The following SLC22A3 variants were observed in gnomAD, a reference collection of about 807,000 sequenced individuals.
The protein encoded by SLC22A3 is EMT organic cation transporter 3.
Under a neutral mutation model 59.1 loss-of-function variants are expected in SLC22A3, and 51 were observed. The ratio of observed to expected loss-of-function variants is 0.86; its 90% CI spans 0.69 to 1.09. The LOEUF (loss-of-function observed/expected upper bound fraction) is 1.09, where lower values mean the gene tolerates loss of function less well. Among genes scored for constraint, SLC22A3 ranks in the 50% least tolerant of loss-of-function variants. The pLI is 0.00. For missense variants in SLC22A3, 711 were observed against 726.3 expected (o/e 0.98, Z 0.24); for synonymous variants, 325 against 292.0 (o/e 1.11, Z -1.15).
chr6:160,446,346 G>A (rs1028304438), intron 9 of SLC22A3, among the ~76,000 whole-genome samples: 3 of 152,154 alleles, frequency 2.0e-5, no homozygotes, highest in Admixed American at 6.5e-5. Flanking sequence ...ATATTAGTTC[G>A]TTTGCCACTG....
At position 160,348,854 on chromosome 6, in the gene SLC22A3, G is replaced by A. The variant is rs1283293704; in HGVS notation, c.429+6G>A. ...ACTCCACCATCGTCAGCGAGGTAAG[G>A]GCGCCCCGGCCCTTTGGAAGCCGGC... On this transcript the variant is annotated splice_donor_region_variant and intron_variant, in intron 1 of 10. Coordinates refer to ENST00000275300, the MANE Select transcript of SLC22A3 (RefSeq NM_021977.4). 1.3e-6 allele frequency: 2 copies of A among 1,577,120 alleles called. No individual in the cohort carries two copies. The highest frequency in any genetic ancestry group is 2.3e-5 in the South Asian group (2 of 87,440).
intron 5 of SLC22A3, among the ~76,000 whole-genome samples, chr6:160,433,369 A>C (rs1309819107): frequency 6.6e-6 from 1 of 152,212 alleles, no homozygotes; most frequent in Non-Finnish European, 1.5e-5. Flanking sequence ...GAACAACTGA[A>C]AAATCTACAA....
chr6:160,412,783 T>A (rs1017985014), intron 5 of SLC22A3, among the ~76,000 whole-genome samples: 1 of 152,176 alleles, frequency 6.6e-6, no homozygotes, highest in Non-Finnish European at 1.5e-5. Context: ...CAGTGAATAA[T>A]CTCTGCTCTT....
At chr6:160,383,750 T>A (rs1458841348) in intron 1 of SLC22A3, among the ~76,000 whole-genome samples, 1 of 152,052 alleles carries the variant, frequency 6.6e-6, no homozygotes, top group Non-Finnish European at 1.5e-5. Flanking sequence ...GGGGTCTGCA[T>A]CCACAGATTT....
At chr6:160,404,496 TTGTCAAGA>T (rs1786923468) in intron 2 of SLC22A3, among the ~76,000 whole-genome samples, 1 of 152,108 alleles carries the variant, frequency 6.6e-6, no homozygotes, top group African/African-American at 2.4e-5. Context: ...AGACTCAATA[TTGTCAAGA>T]TGTCAGTTCT....
At chr6:160,386,779 T>A (rs1786036629) in intron 1 of SLC22A3, among the ~76,000 whole-genome samples, 1 of 152,198 alleles carries the variant, frequency 6.6e-6, no homozygotes, top group South Asian at 2.1e-4. Context: ...CCCCAAGGCA[T>A]GGTGTCATTA....
intron 1 of SLC22A3, among the ~76,000 whole-genome samples, chr6:160,360,009 C>T (rs1485397845): frequency 6.6e-6 from 1 of 152,136 alleles, no homozygotes; most frequent in Non-Finnish European, 1.5e-5. Context: ...ATATACTTTT[C>T]AAATATTTAT....
intron 5 of SLC22A3, among the ~76,000 whole-genome samples, chr6:160,418,487 G>T (rs1249127149): frequency 1.3e-5 from 2 of 152,178 alleles, no homozygotes; most frequent in African/African-American, 4.8e-5. Context: ...TTGTGGCCGT[G>T]TGAGCCAATT....
chr6:160,385,080 T>C (rs1242143499), intron 1 of SLC22A3, among the ~76,000 whole-genome samples: 7 of 152,240 alleles, frequency 4.6e-5, no homozygotes, highest in African/African-American at 1.7e-4. Context: ...GATTCCTTTT[T>C]GCAGGATGCT....
chr6:160,351,061 C>T (rs570533977), intron 1 of SLC22A3, among the ~76,000 whole-genome samples: 1 of 152,148 alleles, frequency 6.6e-6, no homozygotes, highest in Non-Finnish European at 1.5e-5. Context: ...GAATGTACCC[C>T]GTAAAGCCCC....
intron 1 of SLC22A3, among the ~76,000 whole-genome samples, chr6:160,391,324 A>AT (rs1034141203): frequency 6.6e-6 from 1 of 152,124 alleles, no homozygotes; most frequent in African/African-American, 2.4e-5. Context: ...GGGCTCAGGC[A>AT]TTTTTTCATT....
chr6:160,368,640 C>T (rs1466495156), intron 1 of SLC22A3, among the ~76,000 whole-genome samples: 1 of 152,130 alleles, frequency 6.6e-6, no homozygotes, highest in Non-Finnish European at 1.5e-5. Context: ...TGGTCTCCAT[C>T]ATCCCCGCCA....
chr6:160,371,631 C>T (rs1171703999), intron 1 of SLC22A3, among the ~76,000 whole-genome samples: 1 of 152,174 alleles, frequency 6.6e-6, no homozygotes, highest in Non-Finnish European at 1.5e-5. Flanking sequence ...GTGAATAGTG[C>T]CACAATAAAC....
chr6:160,396,505 A>T (rs1406891157), intron 1 of SLC22A3, among the ~76,000 whole-genome samples: 1 of 152,312 alleles, frequency 6.6e-6, no homozygotes. Flanking sequence ...TTTCTGTAGC[A>T]AAACTCCCTT....
intron 1 of SLC22A3, among the ~76,000 whole-genome samples, chr6:160,385,829 G>A (rs377158075): frequency 2.0e-5 from 3 of 152,198 alleles, no homozygotes; most frequent in African/African-American, 7.2e-5. Flanking sequence ...TATTGAGTCT[G>A]TGGGCATGAC....
chr6:160,410,596 C>G, intron 4 of SLC22A3, 133 bp from the exon 5 acceptor site: 4 of 697,538 alleles, frequency 5.7e-6, no homozygotes, highest in Non-Finnish European at 1.1e-5. Context: ...TTTCAGGGAC[C>G]TATTATCAAC....
chr6:160,422,414 A>ATTTTTTTTTATCCATC (rs1787775430), intron 5 of SLC22A3, among the ~76,000 whole-genome samples: 2 of 152,232 alleles, frequency 1.3e-5, no homozygotes, highest in South Asian at 4.1e-4. Context: ...ATTAAAATTA[A>ATTTTTTTTTATCCATC]GATCCATCTC....
intron 7 of SLC22A3, among the ~76,000 whole-genome samples, chr6:160,437,760 G>A (rs1788400011): frequency 6.6e-6 from 1 of 152,120 alleles, no homozygotes; most frequent in Admixed American, 6.5e-5. Flanking sequence ...AATCCAGAAG[G>A]GGATTCAAGA....
chr6:160,379,429 A>C (rs1204637398), intron 1 of SLC22A3, among the ~76,000 whole-genome samples: 1 of 152,210 alleles, frequency 6.6e-6, no homozygotes, highest in Non-Finnish European at 1.5e-5. Flanking sequence ...AATGCCAACT[A>C]AATGTGATAG....
Sources: gnomAD v4.1 joint callset for allele counts (sites outside exome capture counted in the v4.1 genomes callset) on GRCh38, gnomAD v4.1.1 for gene constraint, MANE v1.5 for transcripts, NCBI Gene and HGNC (gene_info 2026-07-23, HGNC 2026-07-21) for gene names.